SPAG16: variants seen among roughly 807,000 people sequenced by gnomAD.
SPAG16 encodes sperm-associated antigen 16 protein.
In SPAG16, 86 loss-of-function variants were observed where a neutral mutation model predicts 80.4. The ratio of observed to expected loss-of-function variants is 1.07; its 90% CI spans 0.90 to 1.28. The LOEUF (loss-of-function observed/expected upper bound fraction) is 1.28. SPAG16 is among the 50% of genes most tolerant of loss of function. The probability of loss-of-function intolerance (pLI) is 0.00; values close to 1 mark genes in which losing one functional copy is unlikely to be tolerated. For missense variants in SPAG16, 870 were observed against 765.3 expected (o/e 1.14, Z -1.61); for synonymous variants, 294 against 265.9 (o/e 1.11, Z -1.03).
chr2:213,621,112 G>A (rs971444364), intron 10 of SPAG16, among the ~76,000 whole-genome samples: 2 of 151,932 alleles, frequency 1.3e-5, no homozygotes, highest in African/African-American at 4.8e-5. Flanking sequence ...AGATGCTTTG[G>A]CTAACTTTAT....
At chr2:213,454,615 A>G (rs183888669) in intron 9 of SPAG16, among the ~76,000 whole-genome samples, 4 of 152,314 alleles carry the variant, frequency 2.6e-5, no homozygotes, top group Admixed American at 2.0e-4. Flanking sequence ...AGAAGTAAAG[A>G]TATTTGGTCA....
At chr2:213,375,297 T>C in intron 9 of SPAG16, 178 bp downstream of exon 9, 1 of 465,320 alleles carries the variant, frequency 2.1e-6, no homozygotes, top group Non-Finnish European at 3.9e-6. Flanking sequence ...AGTAGTTAAT[T>C]CAGGGACACA....
intron 10 of SPAG16, among the ~76,000 whole-genome samples, chr2:213,861,514 T>C (rs1015415282): frequency 5.3e-5 from 8 of 152,180 alleles, no homozygotes; most frequent in Admixed American, 1.3e-4. Flanking sequence ...CCGCACCACA[T>C]TGGCAAGTAA....
At chr2:214,000,625 T>C (rs1329727151) in intron 12 of SPAG16, among the ~76,000 whole-genome samples, 1 of 152,184 alleles carries the variant, frequency 6.6e-6, no homozygotes, top group Non-Finnish European at 1.5e-5. Context: ...TGTTTAACTC[T>C]ACACAGGGCT....
intron 14 of SPAG16, among the ~76,000 whole-genome samples, chr2:214,147,050 T>A (rs1442587390): frequency 2.6e-5 from 4 of 152,062 alleles, no homozygotes; most frequent in African/African-American, 2.4e-5. Context: ...ATGCATACTT[T>A]GTCATGGCTT....
At chr2:213,469,377 T>G (rs1009507041) in intron 9 of SPAG16, among the ~76,000 whole-genome samples, 2 of 151,918 alleles carry the variant, frequency 1.3e-5, no homozygotes, top group Non-Finnish European at 2.9e-5. Context: ...GGAAAGGAAA[T>G]AAAATGAAGA....
chr2:213,888,883 T>C (rs983687417), intron 11 of SPAG16, among the ~76,000 whole-genome samples: 1 of 151,960 alleles, frequency 6.6e-6, no homozygotes, highest in South Asian at 2.1e-4. Context: ...CTAATATAGT[T>C]CTCAATGCAC....
At chr2:214,389,083 A>G (rs1446576798) in intron 15 of SPAG16, among the ~76,000 whole-genome samples, 3 of 152,224 alleles carry the variant, frequency 2.0e-5, no homozygotes, top group African/African-American at 7.2e-5. Context: ...ATATTTCTCT[A>G]TAGATAAGAC....
At chr2:213,387,667 G>C (rs1039350462) in intron 9 of SPAG16, among the ~76,000 whole-genome samples, 3 of 150,802 alleles carry the variant, frequency 2.0e-5, no homozygotes, top group African/African-American at 7.4e-5. Context: ...TTTTGGCCGG[G>C]ATGGTCTCGA....
chr2:213,495,011 A>G (rs1039601529), intron 10 of SPAG16, among the ~76,000 whole-genome samples: 2 of 152,196 alleles, frequency 1.3e-5, no homozygotes, highest in Non-Finnish European at 2.9e-5. Context: ...AATGTAGCTA[A>G]TATTTTTATT....
chr2:213,366,943 CT>C lies in SPAG16; in HGVS notation c.832+2799del, dbSNP rs1355962899. 5.3e-5 allele frequency among the ~76,000 whole-genome samples: 8 copies of C among 152,240 alleles called. No homozygotes were observed. In the East Asian group the frequency reaches 1.5e-3, roughly 29 times the overall value. ...CTAATGGTATCCCTCCCCATTCCCC[CT>C]ACCCCATGACAGGCCCCGGTGTGTG... On this transcript the variant is annotated intron_variant, in intron 8 of 15. Transcript: ENST00000331683.
At chr2:213,961,846 T>C (rs925991937) in intron 12 of SPAG16, among the ~76,000 whole-genome samples, 6 of 152,142 alleles carry the variant, frequency 3.9e-5, no homozygotes, top group Admixed American at 1.3e-4. Flanking sequence ...TGGTTTTTTT[T>C]CTTGTTATGT....
intron 10 of SPAG16, among the ~76,000 whole-genome samples, chr2:213,691,446 C>T (rs147012364): frequency 1.5e-3 from 230 of 152,292 alleles, no homozygotes; most frequent in African/African-American, 5.3e-3. Flanking sequence ...ATTTGACAAC[C>T]AGTATCAACT....
chr2:213,976,198 A>G (rs762465713), intron 12 of SPAG16, among the ~76,000 whole-genome samples: 5 of 150,136 alleles, frequency 3.3e-5, no homozygotes, highest in Admixed American at 6.7e-5. Context: ...GTATGTGTAT[A>G]TATACACATA....
rs1390375357 is a variant in SPAG16, at chr2:214,248,327, T to TATTATTATC, written c.1720+99069_1720+99070insCATTATTAT. ...TTATTATTATTATTATTATTATTAT[T>TATTATTATC]ATTATTATTGAGACAGAGTCTTGCT... On this transcript the variant is annotated intron_variant, in intron 15 of 15. Transcript: ENST00000331683. 2.3e-5 allele frequency among the ~76,000 whole-genome samples: 3 copies of TATTATTATC among 131,320 alleles called. No individual in the cohort carries two copies. In the East Asian group the frequency reaches 6.7e-4, roughly 29 times the overall value. 86.2% of individuals were successfully genotyped at this position (131,320 alleles called of 152,430 possible). A position where few individuals can be genotyped will look rare whatever the true frequency, so the allele number is the denominator to read the frequency against.
At chr2:213,380,255 G>T in intron 9 of SPAG16, among the ~76,000 whole-genome samples, 1 of 152,158 alleles carries the variant, frequency 6.6e-6, no homozygotes, top group East Asian at 1.9e-4. Context: ...CTGTCTTTCA[G>T]GGATGTCCTA....
chr2:214,102,978 G>A (rs975733811), intron 13 of SPAG16, among the ~76,000 whole-genome samples: 1 of 152,052 alleles, frequency 6.6e-6, no homozygotes, highest in Non-Finnish European at 1.5e-5. Flanking sequence ...ATGATTCTTC[G>A]CGTAGGGTGG....
intron 9 of SPAG16, among the ~76,000 whole-genome samples, chr2:213,459,161 C>A (rs977585052): frequency 6.6e-6 from 1 of 152,146 alleles, no homozygotes; most frequent in Non-Finnish European, 1.5e-5. Flanking sequence ...TCTTCCAGTT[C>A]ACAAATTAAA....
At chr2:213,458,121 T>C (rs541988300) in intron 9 of SPAG16, among the ~76,000 whole-genome samples, 1 of 152,280 alleles carries the variant, frequency 6.6e-6, no homozygotes, top group African/African-American at 2.4e-5. Flanking sequence ...TTTGTATAGA[T>C]TTTTTATTCT....
Sources: gnomAD v4.1 joint callset for allele counts (sites outside exome capture counted in the v4.1 genomes callset) on GRCh38, gnomAD v4.1.1 for gene constraint, MANE v1.5 for transcripts, NCBI Gene and HGNC (gene_info 2026-07-23, HGNC 2026-07-21) for gene names.